Variants in AMD1 observed in about 807,000 individuals in gnomAD.
AMD1 encodes the protein adenosylmethionine decarboxylase 1.
A neutral mutation model predicts 40.2 loss-of-function variants in AMD1; 11 were observed. The observed-to-expected ratio is 0.27, with a 90% CI of 0.17 to 0.45. AMD1 has a LOEUF of 0.45. AMD1 is among the 20% of genes least tolerant of loss of function. The probability of loss-of-function intolerance (pLI) is 1.00; values close to 1 mark genes in which losing one functional copy is unlikely to be tolerated. For missense variants in AMD1, 257 were observed against 410.2 expected (o/e 0.63, Z 3.23); for synonymous variants, 121 against 130.8 (o/e 0.93, Z 0.51).
chr6:110,852,499 C>T, the AMD1 span, among the ~76,000 whole-genome samples: 4 of 151,778 alleles, frequency 2.6e-5, no homozygotes, highest in Admixed American at 2.0e-4. Flanking sequence ...GGATTACAGG[C>T]GTGAGCCACT....
rs1279595 is a variant in AMD1 at position 110,882,327 on chromosome 6, C to G, written c.111-5178C>G. Among the ~76,000 whole-genome samples, 1,467 of 152,288 alleles carry G rather than the reference C, an allele frequency of 9.6e-3. 21 individuals are homozygous for G. Among genetic ancestry groups the G allele is most frequent in the African/African-American group, 0.034 (1,401 of 41,544 alleles). On this transcript the variant is annotated intron_variant, in intron 1 of 8. Coordinates refer to ENST00000368885, the MANE Select transcript of AMD1 (RefSeq NM_001634.6). ...TTCCTCCAAAACAAGAGTCAGCAAA[C>G]TTTCTGTAAAGGACTAGGGAGTAAA...
the AMD1 span, chr6:110,858,442 G>A: frequency 1.0e-6 from 1 of 1,002,890 alleles, no homozygotes. Flanking sequence ...ACAAGCTACA[G>A]CCGGGCTCAG....
At chr6:110,866,369 C>G in the AMD1 span, among the ~76,000 whole-genome samples, 11 of 152,252 alleles carry the variant, frequency 7.2e-5, no homozygotes, top group African/African-American at 2.6e-4. Flanking sequence ...TCTGAAGGTT[C>G]ACTGAAAATC....
At position 110,879,702 on chromosome 6, in the gene AMD1, G is replaced by C. The variant is rs990527387; in HGVS notation, c.110+4487G>C. Among the ~76,000 whole-genome samples the C allele has an allele frequency of 2.0e-5, 3 of 152,144 alleles. No individual in the cohort carries two copies. In the East Asian group the frequency reaches 5.8e-4, roughly 29 times the overall value. On this transcript the variant is annotated intron_variant, in intron 1 of 8. Transcript: ENST00000368885. Reference sequence around the variant, plus strand: ...TACTGTAATGAGAGCCTCTAAAACAGACCTAAAAATATGAGGTAAGAGCAG... The same window carrying C: ...TACTGTAATGAGAGCCTCTAAAACACACCTAAAAATATGAGGTAAGAGCAG...
chr6:110,861,275 A>G, the AMD1 span, among the ~76,000 whole-genome samples: 11 of 149,708 alleles, frequency 7.3e-5, no homozygotes, highest in East Asian at 1.2e-3. Flanking sequence ...GGAGAATGGC[A>G]TGAACCCGGG....
chr6:110,869,945 T>C (rs1391402652), upstream of AMD1, among the ~76,000 whole-genome samples: 1 of 151,834 alleles, frequency 6.6e-6, no homozygotes, highest in Non-Finnish European at 1.5e-5. Flanking sequence ...ATGGGGGGTC[T>C]CGCTATGTTA....
chr6:110,847,382 G>A, the AMD1 span, among the ~76,000 whole-genome samples: 21,616 of 150,908 alleles, frequency 0.14, 1,781 homozygotes, highest in East Asian at 0.31. Flanking sequence ...AAAATTAGCC[G>A]GGCATGGTGG....
the AMD1 span, among the ~76,000 whole-genome samples, chr6:110,842,243 A>T: frequency 6.6e-6 from 1 of 152,156 alleles, no homozygotes. Context: ...GTTCCACACT[A>T]TGTTTTTACC....
chr6:110,832,966 G>A, the AMD1 span, among the ~76,000 whole-genome samples: 3 of 152,038 alleles, frequency 2.0e-5, no homozygotes, highest in Non-Finnish European at 2.9e-5. Flanking sequence ...GATTACAGGC[G>A]CCCACCACCA....
rs1338067926 is a variant in AMD1 at position 110,894,814 on chromosome 6, G to A, written c.*1198G>A. 1 of 152,076 alleles carries A rather than the reference G, an allele frequency of 6.6e-6. No homozygotes were observed. Among genetic ancestry groups the A allele is most frequent in the East Asian group, 1.9e-4 (1 of 5,194 alleles). The allele number at this position is 152,076 out of a possible 1,614,324, so 9.4% of individuals were successfully genotyped here. A position where few individuals can be genotyped will look rare whatever the true frequency, so the allele number is the denominator to read the frequency against. On this transcript the variant is annotated 3_prime_UTR_variant, in exon 9 of 9. Coordinates refer to ENST00000368885, the MANE Select transcript of AMD1 (RefSeq NM_001634.6). The stretch of plus-strand genomic sequence containing the variant: ...TGACTGTGATGCATGTGAGTGTTCC[G>A]ACTTCATCTGTTCCTCTTAACTACG...
At chr6:110,877,006 A>G (rs1006620484) in intron 1 of AMD1, among the ~76,000 whole-genome samples, 3 of 152,184 alleles carry the variant, frequency 2.0e-5, no homozygotes, top group Non-Finnish European at 4.4e-5. Context: ...AAGTGGAGAG[A>G]GGAGGAAGAG....
chr6:110,840,013 C>CTTTTTTTT, the AMD1 span, among the ~76,000 whole-genome samples: 1 of 92,864 alleles, frequency 1.1e-5, no homozygotes. Flanking sequence ...GATTCTCTCT[C>CTTTTTTTT]TTTTTTTTTT....
rs199935766 is a variant in AMD1, at chr6:110,875,184, C to G, written c.79C>G (p.Gln27Glu). The G allele has an allele frequency of 2.2e-5, 36 of 1,612,852 alleles. No individual in the cohort carries two copies. The East Asian group carries it at 6.7e-4, about 30-fold the overall frequency. The change falls in exon 1 of 9, where the codon CAA becomes GAA. Residue 27 changes from glutamine (Q) to glutamate (E), a missense_variant. Transcript: ENST00000368885. Reference protein sequence around the residue: ...WFSRQQPDANQGSGDLRTIPR... With the variant: ...WFSRQQPDANEGSGDLRTIPR... ...CTCCCGGCAGCAGCCCGACGCAAACCAAGGATCTGGGGATCTTCGCACTAT... is the reference window on the plus strand; with the variant it reads ...CTCCCGGCAGCAGCCCGACGCAAACGAAGGATCTGGGGATCTTCGCACTAT...
the AMD1 span, among the ~76,000 whole-genome samples, chr6:110,847,782 G>C: frequency 2.0e-5 from 3 of 151,208 alleles, no homozygotes; most frequent in East Asian, 6.0e-4. Context: ...CACAATCTTG[G>C]CTCACTGCAA....
intron 1 of AMD1, among the ~76,000 whole-genome samples, chr6:110,886,084 G>T (rs1228476580): frequency 6.6e-6 from 1 of 151,864 alleles, no homozygotes; most frequent in Non-Finnish European, 1.5e-5. Context: ...GTGAAACCCT[G>T]TCGCCACTAA....
At chr6:110,847,270 A>G in the AMD1 span, among the ~76,000 whole-genome samples, 3 of 152,112 alleles carry the variant, frequency 2.0e-5, no homozygotes, top group Admixed American at 2.0e-4. Flanking sequence ...TCACGCCTGT[A>G]ATCCCAGCAC....
intron 1 of AMD1, among the ~76,000 whole-genome samples, chr6:110,883,813 G>A (rs902896878): frequency 1.4e-4 from 21 of 151,982 alleles, no homozygotes; most frequent in African/African-American, 4.3e-4. Flanking sequence ...TAGCCAGGAT[G>A]GTCTTGATCT....
upstream of AMD1, among the ~76,000 whole-genome samples, chr6:110,872,609 C>T (rs1318521655): frequency 6.6e-6 from 1 of 152,028 alleles, no homozygotes; most frequent in Non-Finnish European, 1.5e-5. Flanking sequence ...CAACTTAGTA[C>T]AAGGGATTTT....
chr6:110,866,283 T>TA, the AMD1 span, among the ~76,000 whole-genome samples: 1 of 152,232 alleles, frequency 6.6e-6, no homozygotes, highest in South Asian at 2.1e-4. Context: ...AATGGAAATG[T>TA]AAAGGTTTTT....
Sources: allele counts gnomAD v4.1 joint callset (sites outside exome capture counted in the v4.1 genomes callset), GRCh38; gene constraint gnomAD v4.1.1; transcripts MANE v1.5; gene names NCBI Gene and HGNC (gene_info 2026-07-23, HGNC 2026-07-21).